The following PDE10A variants were observed in gnomAD, a reference collection of about 807,000 sequenced individuals.
PDE10A encodes the protein phosphodiesterase 10A, also known as cAMP and cAMP-inhibited cGMP 3',5'-cyclic phosphodiesterase 10A.
Under a neutral mutation model 97.7 loss-of-function variants are expected in PDE10A, and 39 were observed. The ratio of observed to expected loss-of-function variants is 0.40; its 90% CI spans 0.31 to 0.52. The LOEUF (loss-of-function observed/expected upper bound fraction) is 0.52. Ranked by LOEUF, PDE10A falls within the 20% of genes least tolerant of loss-of-function variation. The probability of loss-of-function intolerance (pLI) is 0.56; values close to 1 mark genes in which losing one functional copy is unlikely to be tolerated. For synonymous variants in PDE10A, 371 were observed against 376.8 expected (o/e 0.98, Z 0.18); for missense variants, 731 against 1,047.8 (o/e 0.70, Z 4.17).
At chr6:165,909,285 C>T (rs1423178006) in intron 1 of PDE10A, among the ~76,000 whole-genome samples, 1 of 152,152 alleles carries the variant, frequency 6.6e-6, no homozygotes. Context: ...AAAAGAGAGG[C>T]CATGAAGTTA....
chr6:165,367,596 T>C (rs1004702692), intron 18 of PDE10A, among the ~76,000 whole-genome samples: 27 of 149,928 alleles, frequency 1.8e-4, no homozygotes, highest in Middle Eastern at 3.2e-3. Context: ...GTAAAAGCGG[T>C]CAGGGTAAAA....
intron 1 of PDE10A, among the ~76,000 whole-genome samples, chr6:165,958,731 G>GAAAA (rs1373471772): frequency 7.4e-5 from 1 of 13,464 alleles, no homozygotes; most frequent in Admixed American, 1.0e-3. Flanking sequence ...AAGAAAGAAA[G>GAAAA]AAAGAAAGAA....
At chr6:165,618,999 GTAGTGTAGTC>G (rs1787863636) in intron 1 of PDE10A, among the ~76,000 whole-genome samples, 5 of 143,740 alleles carry the variant, frequency 3.5e-5, no homozygotes, top group East Asian at 2.0e-4. Context: ...GTAGTCTAGT[GTAGTGTAGTC>G]TAGTGTAGTC....
At chr6:165,523,398 C>T (rs1432734042) in intron 2 of PDE10A, among the ~76,000 whole-genome samples, 2 of 152,076 alleles carry the variant, frequency 1.3e-5, no homozygotes, top group Admixed American at 6.6e-5. Context: ...ACCCAAACAG[C>T]ACAGTACTGG....
chr6:165,613,733 A>G (rs113064756), intron 1 of PDE10A, among the ~76,000 whole-genome samples: 2,400 of 152,302 alleles, frequency 0.016, 50 homozygotes, highest in African/African-American at 0.051. Flanking sequence ...CCTCTTCTGA[A>G]TAGCAATATA....
chr6:165,805,192 AG>A lies in PDE10A; in HGVS notation c.-615+182336del, dbSNP rs1483141445. 3.9e-5 allele frequency among the ~76,000 whole-genome samples: 6 copies of A among 152,108 alleles called. No individual in the cohort carries two copies. The East Asian group carries it at 1.2e-3, about 30-fold the overall frequency. ...TGGGACGCGCGGTTCTTCCTCGCGA[AG>A]TTGGAGAGGCCTCGGGTCGCAGGGC... On this transcript the variant is annotated intron_variant, in intron 1 of 19. Transcript: ENST00000366882.
intron 1 of PDE10A, among the ~76,000 whole-genome samples, chr6:165,957,471 C>G (rs988022290): frequency 7.9e-5 from 12 of 151,926 alleles, no homozygotes; most frequent in African/African-American, 2.7e-4. Context: ...ACAGAGGGAC[C>G]TATCTCTAAA....
intron 1 of PDE10A, among the ~76,000 whole-genome samples, chr6:165,634,778 A>G (rs1788796508): frequency 6.6e-6 from 1 of 152,178 alleles, no homozygotes; most frequent in Admixed American, 6.5e-5. Context: ...GGAAAAACAG[A>G]ACGGTACTCC....
In PDE10A at chr6:165,875,746, T is replaced by TTTTGTG. The variant is rs780504850; in HGVS notation, c.-615+111782_-615+111783insCACAAA. 1.2e-4 allele frequency among the ~76,000 whole-genome samples: 17 copies of TTTTGTG among 147,078 alleles called. 1 individual carries two copies. Among genetic ancestry groups the TTTTGTG allele is most frequent in the South Asian group, 4.2e-4 (2 of 4,742 alleles). ...TTCTTTTACTGTTTTTTTTTTTTTTTTGTGTGTGTGTGTGTGTTTGTTTTA... is the reference window on the plus strand; with the variant it reads ...TTCTTTTACTGTTTTTTTTTTTTTTTTTTGTGTGTGTGTGTGTGTGTGTTTGTTTTA... On this transcript the variant is annotated intron_variant, in intron 1 of 19. Transcript: ENST00000366882.
chr6:165,732,658 A>G (rs182473492), intron 1 of PDE10A, among the ~76,000 whole-genome samples: 1 of 152,340 alleles, frequency 6.6e-6, no homozygotes, highest in Admixed American at 6.5e-5. Context: ...ACACTTTGCA[A>G]ATTTCCAGAT....
At chr6:165,899,612 T>C (rs2461727) in intron 1 of PDE10A, among the ~76,000 whole-genome samples, 109,882 of 152,174 alleles carry the variant, frequency 0.72, 39,944 homozygotes, top group East Asian at 0.94. Context: ...GCATGCTGAA[T>C]GACTGACTGA....
chr6:165,526,633 C>T (rs182066049), intron 2 of PDE10A, among the ~76,000 whole-genome samples: 7 of 152,298 alleles, frequency 4.6e-5, no homozygotes, highest in African/African-American at 1.2e-4. Flanking sequence ...AGAAGTCAGA[C>T]GGATCTTGGA....
At chr6:165,894,129 T>C in intron 1 of PDE10A, 1 of 358,634 alleles carries the variant, frequency 2.8e-6, no homozygotes, top group South Asian at 2.1e-5. Flanking sequence ...AAGAATAAAA[T>C]ATGGCTTGAC....
At chr6:165,404,143 G>A (rs1251874396) in intron 13 of PDE10A, among the ~76,000 whole-genome samples, 1 of 152,094 alleles carries the variant, frequency 6.6e-6, no homozygotes, top group Non-Finnish European at 1.5e-5. Context: ...GATTACCACA[G>A]TCACAGGTAT....
At chr6:165,709,561 T>A in intron 1 of PDE10A, among the ~76,000 whole-genome samples, 1 of 72,088 alleles carries the variant, frequency 1.4e-5, no homozygotes, top group Non-Finnish European at 2.6e-5. Context: ...TCTATCCCCA[T>A]GCAGCCGCGC....
chr6:165,361,436 A>G (rs1367726476), intron 18 of PDE10A, among the ~76,000 whole-genome samples: 3 of 152,254 alleles, frequency 2.0e-5, no homozygotes, highest in Admixed American at 6.5e-5. Flanking sequence ...ACATATTCTC[A>G]TATGACTATT....
intron 1 of PDE10A, among the ~76,000 whole-genome samples, chr6:165,966,322 G>T (rs1014512491): frequency 1.3e-5 from 2 of 152,158 alleles, no homozygotes; most frequent in Non-Finnish European, 2.9e-5. Context: ...ATTCAGATTC[G>T]GAGGTGAGGC....
chr6:165,859,002 G>A (rs1780826068), intron 1 of PDE10A, among the ~76,000 whole-genome samples: 1 of 152,192 alleles, frequency 6.6e-6, no homozygotes, highest in Non-Finnish European at 1.5e-5. Flanking sequence ...AGGTAGTTCT[G>A]TTCTGTAAAC....
intron 18 of PDE10A, among the ~76,000 whole-genome samples, chr6:165,360,968 C>T (rs1783373340): frequency 6.6e-6 from 1 of 152,116 alleles, no homozygotes; most frequent in Admixed American, 6.6e-5. Flanking sequence ...AATTTGCTTT[C>T]CCCCAAAGAA....
Sources: allele counts gnomAD v4.1 joint callset (sites outside exome capture counted in the v4.1 genomes callset), GRCh38; gene constraint gnomAD v4.1.1; transcripts MANE v1.5; gene names NCBI Gene and HGNC (gene_info 2026-07-23, HGNC 2026-07-21).